Variants in PCNX1 observed in about 807,000 individuals in gnomAD.
PCNX1 encodes pecanex-like protein 1.
In PCNX1, 78 loss-of-function variants were observed where a neutral mutation model predicts 242.2. That is an observed-to-expected ratio of 0.32 (90% CI 0.27 to 0.39). The LOEUF (loss-of-function observed/expected upper bound fraction) is 0.39. Ranked by LOEUF, PCNX1 falls within the 10% of genes least tolerant of loss-of-function variation. The pLI, the probability that PCNX1 is intolerant of heterozygous loss-of-function variation, is 1.00. For missense variants in PCNX1, 2,581 were observed against 2,856.5 expected, an observed-to-expected ratio of 0.90 and a Z score of 2.20; for synonymous variants, 1,024 against 1,032.9, an observed-to-expected ratio of 0.99 and a Z score of 0.17.
At chr14:70,957,740 T>C (rs1269194213) in intron 2 of PCNX1, among the ~76,000 whole-genome samples, 3 of 152,332 alleles carry the variant, frequency 2.0e-5, no homozygotes, top group South Asian at 2.1e-4. Context: ...CATTGAATTA[T>C]ACAGCTTAAA....
intron 2 of PCNX1, among the ~76,000 whole-genome samples, chr14:70,947,968 C>G (rs559711609): frequency 2.0e-5 from 3 of 152,156 alleles, no homozygotes; most frequent in African/African-American, 7.2e-5. Flanking sequence ...GAAATATGCC[C>G]TGGTCTCCAG....
chr14:71,035,373 A>T (rs1255458338), intron 18 of PCNX1, among the ~76,000 whole-genome samples: 1 of 152,258 alleles, frequency 6.6e-6, no homozygotes, highest in Non-Finnish European at 1.5e-5. Context: ...TACGTTGTTC[A>T]ATTTCTTTGG....
chr14:71,060,534 C>G (rs1384276296), intron 26 of PCNX1: 5 of 152,100 alleles, frequency 3.3e-5, no homozygotes. Context: ...GTGCAAAATT[C>G]ACAGCTATTG....
intron 1 of PCNX1, among the ~76,000 whole-genome samples, chr14:70,934,578 C>G (rs187724414): frequency 6.6e-6 from 1 of 152,132 alleles, no homozygotes; most frequent in Non-Finnish European, 1.5e-5. Context: ...CCACTGGGTA[C>G]AGACATTTTA....
chr14:70,988,454 A>G (rs2059061302), intron 6 of PCNX1, 113 bp from the exon 7 acceptor site: 2 of 1,021,974 alleles, frequency 2.0e-6, no homozygotes, highest in East Asian at 4.8e-5. Context: ...AACAGTTTGG[A>G]TTAATAAGTT....
chr14:71,047,737 T>C, intron 21 of PCNX1, 70 bp from the exon 22 acceptor site: 1 of 1,315,606 alleles, frequency 7.6e-7, no homozygotes, highest in Non-Finnish European at 1.1e-6. Flanking sequence ...AATGGTGAAT[T>C]TTATTTTAAG....
chr14:70,963,845 A>G (rs924179816), intron 3 of PCNX1, among the ~76,000 whole-genome samples: 3 of 152,222 alleles, frequency 2.0e-5, no homozygotes, highest in African/African-American at 7.2e-5. Flanking sequence ...TACTTAAAGA[A>G]TACAGATACA....
At chr14:70,920,965 A>G (rs1410140037) in intron 1 of PCNX1, among the ~76,000 whole-genome samples, 1 of 152,196 alleles carries the variant, frequency 6.6e-6, no homozygotes, top group Non-Finnish European at 1.5e-5. Context: ...TGGGCAAATT[A>G]ATCTTTGTTC....
intron 11 of PCNX1, among the ~76,000 whole-genome samples, chr14:71,018,264 A>C (rs190728948): frequency 1.3e-5 from 2 of 152,244 alleles, no homozygotes; most frequent in East Asian, 3.9e-4. Flanking sequence ...TTTGTATAAG[A>C]TTTTGTGAAT....
At chr14:70,983,211 A>G (rs2058892951) in intron 6 of PCNX1, among the ~76,000 whole-genome samples, 1 of 152,268 alleles carries the variant, frequency 6.6e-6, no homozygotes, top group African/African-American at 2.4e-5. Context: ...CTATAAAAGT[A>G]TAAGTAATAC....
intron 28 of PCNX1, among the ~76,000 whole-genome samples, chr14:71,086,734 T>A (rs1197953144): frequency 6.6e-6 from 1 of 152,254 alleles, no homozygotes; most frequent in Admixed American, 6.5e-5. Context: ...TCTAGCACTC[T>A]GCCCTGTGAG....
intron 2 of PCNX1, among the ~76,000 whole-genome samples, chr14:70,953,183 G>A (rs2057856231): frequency 6.6e-6 from 1 of 152,248 alleles, no homozygotes; most frequent in African/African-American, 2.4e-5. Context: ...GGAGGCTGAG[G>A]CAGGAGGATC....
At chr14:71,072,639 G>GA (rs1050629418) in intron 26 of PCNX1, among the ~76,000 whole-genome samples, 2 of 151,854 alleles carry the variant, frequency 1.3e-5, no homozygotes, top group South Asian at 4.2e-4. Flanking sequence ...TACTTTTAAA[G>GA]AAAAAAAATT....
intron 28 of PCNX1, among the ~76,000 whole-genome samples, chr14:71,080,379 A>G (rs1037543916): frequency 1.3e-5 from 2 of 152,102 alleles, no homozygotes; most frequent in Non-Finnish European, 2.9e-5. Context: ...TCTATAGGAA[A>G]TTTAAAGTAG....
At chr14:71,070,814 C>A (rs1434754720) in intron 26 of PCNX1, among the ~76,000 whole-genome samples, 1 of 152,146 alleles carries the variant, frequency 6.6e-6, no homozygotes, top group African/African-American at 2.4e-5. Flanking sequence ...CTCCGTTAGA[C>A]CCTATCAAAG....
chr14:71,017,753 G>A (rs1170377219), intron 11 of PCNX1, among the ~76,000 whole-genome samples: 1 of 152,188 alleles, frequency 6.6e-6, no homozygotes, highest in East Asian at 1.9e-4. Flanking sequence ...GAGGTCATTG[G>A]ATTTAGCAAA....
chr14:71,108,167 A>G (rs150564765), intron 33 of PCNX1, among the ~76,000 whole-genome samples: 7 of 152,276 alleles, frequency 4.6e-5, no homozygotes, highest in Non-Finnish European at 1.0e-4. Flanking sequence ...TTCAGATTCC[A>G]CAAGTGAGAT....
At chr14:71,097,359 T>G (rs1416819217) in intron 30 of PCNX1, among the ~76,000 whole-genome samples, 1 of 152,236 alleles carries the variant, frequency 6.6e-6, no homozygotes, top group African/African-American at 2.4e-5. Flanking sequence ...CAAATGGTAG[T>G]TCTGTTTCTT....
At chr14:71,085,688 G>A (rs987556623) in intron 28 of PCNX1, 2 of 191,750 alleles carry the variant, frequency 1.0e-5, no homozygotes, top group Admixed American at 5.9e-5. Flanking sequence ...AGGATTAAAA[G>A]GGGAGCATTT....
Sources: gnomAD v4.1 joint callset for allele counts (sites outside exome capture counted in the v4.1 genomes callset) on GRCh38, gnomAD v4.1.1 for gene constraint, MANE v1.5 for transcripts, NCBI Gene and HGNC (gene_info 2026-07-23, HGNC 2026-07-21) for gene names.